Variants in PARD3B observed in about 807,000 individuals in gnomAD.
PARD3B encodes the protein partitioning defective 3 homolog B.
A neutral mutation model predicts 130.2 loss-of-function variants in PARD3B; 103 were observed. The ratio of observed to expected loss-of-function variants is 0.79; its 90% confidence interval spans 0.67 to 0.93. The LOEUF (loss-of-function observed/expected upper bound fraction) is 0.93, where lower values mean the gene tolerates loss of function less well. PARD3B is among the 40% of genes least tolerant of loss of function. The pLI, the probability that PARD3B is intolerant of heterozygous loss-of-function variation, is 0.00. For missense variants in PARD3B, 1,609 were observed against 1,499.2 expected, an observed-to-expected ratio of 1.07 and a Z score of -1.21; for synonymous variants, 583 against 553.2, an observed-to-expected ratio of 1.05 and a Z score of -0.76.
chr2:205,158,666 T>A lies in PARD3B; in HGVS notation c.1435-56T>A. The A allele has an allele frequency of 6.7e-7, 1 of 1,491,036 alleles. No homozygotes were observed. Among genetic ancestry groups the A allele is most frequent in the Non-Finnish European group, 9.2e-7 (1 of 1,089,884 alleles). 92.4% of individuals were successfully genotyped at this position (1,491,036 alleles called of 1,614,324 possible). ...ATCTGTGTCTGGTCATCTGAGAGAG[T>A]GAAATATTAATCTGCTTTCTTCTCT... On this transcript the variant is annotated intron_variant, in intron 10 of 22. Transcript: ENST00000406610. This position sits in a 1 kb window ranked among gnomAD's most constrained non-coding sequence, Gnocchi z 5.4.
At chr2:204,994,662 C>T (rs535743730) in intron 3 of PARD3B, among the ~76,000 whole-genome samples, 1 of 151,954 alleles carries the variant, frequency 6.6e-6, no homozygotes, top group African/African-American at 2.4e-5. Flanking sequence ...GTTGATCTGT[C>T]TAATGTTGAC....
At chr2:204,924,687 A>G (rs1048963224) in intron 2 of PARD3B, among the ~76,000 whole-genome samples, 3 of 152,106 alleles carry the variant, frequency 2.0e-5, no homozygotes, top group African/African-American at 7.2e-5. Context: ...ATGAAAACAA[A>G]AAGCCTCTCC....
intron 1 of PARD3B, among the ~76,000 whole-genome samples, chr2:204,681,426 A>G (rs1255981083): frequency 1.3e-5 from 2 of 152,152 alleles, no homozygotes; most frequent in Non-Finnish European, 1.5e-5. Flanking sequence ...CTTTGGAAAC[A>G]TACTGTAGTT....
Position 205,380,408 on chromosome 2 carries a change from A to AATATATAAAGAATATATATTATATATT in PARD3B, c.2631-20599_2631-20573dup, listed in dbSNP as rs2045305112. Reference sequence around the variant, plus strand: ...TATATAAAGAATATATATTATATATAATATATAAAGAATATATATTATATA... The same window carrying AATATATAAAGAATATATATTATATATT: ...TATATAAAGAATATATATTATATATAATATATAAAGAATATATATTATATATTATATATAAAGAATATATATTATATA... On this transcript the variant is annotated intron_variant, in intron 18 of 22. Coordinates refer to ENST00000406610, the MANE Select transcript of PARD3B (RefSeq NM_001302769.2). Among the ~76,000 whole-genome samples the AATATATAAAGAATATATATTATATATT allele has an allele frequency of 6.2e-4, 26 of 41,978 alleles. 4 individuals are homozygous for AATATATAAAGAATATATATTATATATT. Among genetic ancestry groups the AATATATAAAGAATATATATTATATATT allele is most frequent in the African/African-American group, 2.9e-3 (26 of 8,966 alleles). The allele number at this position is 41,978 out of a possible 152,430, so 27.5% of individuals were successfully genotyped here.
At chr2:204,932,676 T>C (rs555290391) in intron 2 of PARD3B, among the ~76,000 whole-genome samples, 2 of 152,346 alleles carry the variant, frequency 1.3e-5, no homozygotes, top group East Asian at 3.9e-4. Context: ...GAAGTAAATG[T>C]GTCTAGGAAT....
chr2:205,126,783 A>AAAAAAAG (rs2031476844), intron 10 of PARD3B, among the ~76,000 whole-genome samples: 1 of 139,720 alleles, frequency 7.2e-6, no homozygotes, highest in Non-Finnish European at 1.6e-5. Context: ...AAAAAAAAAA[A>AAAAAAAG]AAAATTGATA....
intron 18 of PARD3B, among the ~76,000 whole-genome samples, chr2:205,368,537 C>T (rs2044691749): frequency 6.6e-6 from 1 of 152,022 alleles, no homozygotes; most frequent in South Asian, 2.1e-4. Context: ...GAGGCTGAGG[C>T]ATGAGAATTG....
chr2:204,982,977 C>G lies in PARD3B; in HGVS notation c.394+17654C>G, dbSNP rs185579101. 2.6e-5 allele frequency among the ~76,000 whole-genome samples: 4 copies of G among 152,278 alleles called. No individual in the cohort carries two copies. The East Asian group carries it at 5.8e-4, about 22-fold the overall frequency. ...AAATCTAGAACAACTAAAAATACTT[C>G]AGCTAAAGTATACAAATAATTGGAG... On this transcript the variant is annotated intron_variant, in intron 3 of 22. Transcript: ENST00000406610.
chr2:204,602,860 C>T (rs555212491), intron 1 of PARD3B, among the ~76,000 whole-genome samples: 3 of 152,256 alleles, frequency 2.0e-5, no homozygotes, highest in African/African-American at 7.2e-5. Context: ...ATTTCTCCAG[C>T]TGTGTTTGTG....
intron 1 of PARD3B, among the ~76,000 whole-genome samples, chr2:204,638,996 A>G (rs1192942993): frequency 6.6e-6 from 1 of 152,070 alleles, no homozygotes; most frequent in Non-Finnish European, 1.5e-5. Context: ...GGCTGGCTTT[A>G]TGATCAGTGA....
rs1471029398 is a variant in PARD3B at position 205,185,809 on chromosome 2, C to T, written c.1970C>T (p.Pro657Leu). ...GGATGGGCCGAGAGTGAAGTTCCAC[C>T]TTCTCCAACACCACATTCTGCTCTG... ...NDGWAESEVP[P>L]SPTPHSALGL... is the part of the protein sequence containing the mutation. The change falls in exon 14 of 23, where the codon CCT becomes CTT. Residue 657 changes from proline (P) to leucine (L), a missense_variant. Transcript: ENST00000406610. The T allele has an allele frequency of 1.4e-5, 23 of 1,614,100 alleles. No homozygotes were observed. The highest frequency in any genetic ancestry group is 1.9e-5 in the Non-Finnish European group (23 of 1,179,984).
At chr2:204,594,192 A>G (rs895527406) in intron 1 of PARD3B, among the ~76,000 whole-genome samples, 2 of 152,188 alleles carry the variant, frequency 1.3e-5, no homozygotes, top group African/African-American at 2.4e-5. Context: ...CAGGCGATAC[A>G]GGACTGGACT....
rs2048193419 is a variant in PARD3B at position 205,454,094 on chromosome 2, G to T, written c.3044+13422G>T. 3.3e-5 allele frequency among the ~76,000 whole-genome samples: 5 copies of T among 152,276 alleles called. No individual in the cohort carries two copies. The South Asian group carries it at 1.0e-3, about 32-fold the overall frequency. On this transcript the variant is annotated intron_variant, in intron 20 of 22. Transcript: ENST00000406610. ...CTACTCAAGGCTGCGGGGTACAAAAGTATATCAGAAGCCTTGGGCTTTGAC... is the reference window on the plus strand; with the variant it reads ...CTACTCAAGGCTGCGGGGTACAAAATTATATCAGAAGCCTTGGGCTTTGAC...
chr2:204,578,939 G>A (rs1315347948), intron 1 of PARD3B, among the ~76,000 whole-genome samples: 1 of 152,030 alleles, frequency 6.6e-6, no homozygotes, highest in Non-Finnish European at 1.5e-5. Flanking sequence ...TGGGAGTATG[G>A]AAGAGATGAT....
Position 205,021,616 on chromosome 2 carries a change from CT to C in PARD3B, c.395-25964del, listed in dbSNP as rs1696610104. Among the ~76,000 whole-genome samples, 2 of 140,008 alleles carry C rather than the reference CT, an allele frequency of 1.4e-5. No individual in the cohort carries two copies. The highest frequency in any genetic ancestry group is 1.5e-5 in the Non-Finnish European group (1 of 64,666). 91.9% of individuals were successfully genotyped at this position (140,008 alleles called of 152,430 possible). A position where few individuals can be genotyped will look rare whatever the true frequency, so the allele number is the denominator to read the frequency against. ...CTCTTCTCTCTCTCTCTCTCTCTCT[CT>C]CTCCCTCTCTCTTTCTCTCTCTCTC... On this transcript the variant is annotated intron_variant, in intron 3 of 22. Transcript: ENST00000406610. This position sits in a 1 kb window ranked among gnomAD's most constrained non-coding sequence, Gnocchi z 4.5.
At chr2:205,433,006 T>C (rs558555664) in intron 19 of PARD3B, among the ~76,000 whole-genome samples, 1 of 152,318 alleles carries the variant, frequency 6.6e-6, no homozygotes, top group Admixed American at 6.5e-5. Flanking sequence ...ATTCAAAAAA[T>C]TTTGGAAGTG....
chr2:204,598,502 T>C lies in PARD3B; in HGVS notation c.120+52383T>C, dbSNP rs1022154825. 5.3e-5 allele frequency among the ~76,000 whole-genome samples: 8 copies of C among 152,098 alleles called. No homozygotes were observed. The South Asian group carries it at 8.3e-4, about 16-fold the overall frequency. On this transcript the variant is annotated intron_variant, in intron 1 of 22. Transcript: ENST00000406610. ...AGCCTCGATTTCCTCATCTGTAATA[T>C]GGGGATAATTATAGTGCCTATATGA...
At chr2:205,543,281 C>T (rs1025844728) in intron 21 of PARD3B, among the ~76,000 whole-genome samples, 1 of 152,078 alleles carries the variant, frequency 6.6e-6, no homozygotes, top group African/African-American at 2.4e-5. Flanking sequence ...TTTTATAACA[C>T]ATATCTCCTT....
chr2:204,569,859 G>T (rs2031886384), intron 1 of PARD3B, among the ~76,000 whole-genome samples: 1 of 152,086 alleles, frequency 6.6e-6, no homozygotes, highest in Non-Finnish European at 1.5e-5. Context: ...TTGCACATTG[G>T]GCCACTTGTT....
Sources: allele counts gnomAD v4.1 joint callset (sites outside exome capture counted in the v4.1 genomes callset), GRCh38; gene constraint gnomAD v4.1.1; non-coding constraint Gnocchi (gnomAD v3.1); transcripts MANE v1.5; gene names NCBI Gene and HGNC (gene_info 2026-07-23, HGNC 2026-07-21).